The following AGRN variants were observed in gnomAD, a reference collection of about 807,000 sequenced individuals.
AGRN encodes agrin.
Under a neutral mutation model 211.0 loss-of-function variants are expected in AGRN, and 106 were observed. The observed-to-expected ratio is 0.50, with a 90% CI of 0.43 to 0.59. The LOEUF is 0.59. Among genes scored for constraint, AGRN ranks in the 20% least tolerant of loss-of-function variants. The pLI is 0.00. For synonymous variants in AGRN, 1,525 were observed against 1,332.5 expected (o/e 1.14, Z -3.15); for missense variants, 3,040 against 2,982.6 (o/e 1.02, Z -0.45).
intron 2 of AGRN, among the ~76,000 whole-genome samples, chr1:1,029,351 G>T (rs1317847138): frequency 3.3e-5 from 5 of 151,644 alleles, no homozygotes; most frequent in African/African-American, 1.2e-4. Flanking sequence ...ACAAAGATAT[G>T]GGGGATGCCC....
chr1:1,035,512 C>G (rs969419397), intron 3 of AGRN, among the ~76,000 whole-genome samples, 188 bp downstream of exon 3: 1 of 152,210 alleles, frequency 6.6e-6, no homozygotes, highest in East Asian at 1.9e-4. Flanking sequence ...GTCTAGAGGC[C>G]GCCGCCTGAC....
chr1:1,046,708 C>T lies in AGRN; in HGVS notation c.3223C>T (p.Gln1075Ter). 1 of 1,581,644 alleles carries T rather than the reference C, an allele frequency of 6.3e-7. No individual in the cohort carries two copies. Among genetic ancestry groups the T allele is most frequent in the Non-Finnish European group, 8.6e-7 (1 of 1,169,302 alleles). Reference sequence around the variant, plus strand: ...CAGCGATGAGGAACTGAGCGGGGACCAGGAGGCCAGTGGGGGTGGCTCTGG... The same window carrying T: ...CAGCGATGAGGAACTGAGCGGGGACTAGGAGGCCAGTGGGGGTGGCTCTGG... ...GSSDEELSGD[Q>*]EASGGGSGGL... is the part of the protein sequence containing the mutation. The change falls in exon 18 of 36, where the codon CAG becomes TAG. Residue 1075 changes from glutamine (Q) to a stop codon, truncating the protein, a stop_gained. Coordinates refer to ENST00000379370, the MANE Select transcript of AGRN (RefSeq NM_198576.4). LOFTEE classifies it high-confidence loss of function.
chr1:1,042,307 T>A, intron 7 of AGRN, 145 bp downstream of exon 7: 1 of 1,097,378 alleles, frequency 9.1e-7, no homozygotes, highest in Non-Finnish European at 1.3e-6. Context: ...CTGGGGAGGG[T>A]GGAGCCTGTG....
intron 2 of AGRN, chr1:1,034,747 CCCGAGG>C (rs1557693664): frequency 9.9e-7 from 1 of 1,008,426 alleles, no homozygotes. Context: ...AAGCCCCAAC[CCCGAGG>C]CCCCTGCACA....
In AGRN at chr1:1,050,129, G is replaced by A. The variant is rs111638438; in HGVS notation, c.4879+92G>A. 3.1e-3 allele frequency: 4,860 copies of A among 1,585,848 alleles called. 66 individuals are homozygous for A. The highest frequency in any genetic ancestry group is 0.028 in the African/African-American group (2,116 of 74,274). On this transcript the variant is annotated intron_variant, in intron 27 of 35. Coordinates refer to ENST00000379370, the MANE Select transcript of AGRN (RefSeq NM_198576.4). ...CCAGGTAGCATTGCAGTTAGGATGC[G>A]GCTCAGTCTAGTCTGGGTTTTGAGT...
intron 3 of AGRN, among the ~76,000 whole-genome samples, chr1:1,035,928 T>C (rs1644794425): frequency 6.6e-6 from 1 of 152,004 alleles, no homozygotes; most frequent in Non-Finnish European, 1.5e-5. Flanking sequence ...TCCTGGTGTT[T>C]GGGCCACTGT....
At position 1,051,526 on chromosome 1, in the gene AGRN, G is replaced by A. The variant is rs1270329202; in HGVS notation, c.5444G>A (p.Gly1815Asp). The part of the protein sequence containing the change: ...LRQVDVTSFA[G>D]HPCTRASGHP... ...CAGGTGGACGTCACGTCCTTTGCAG[G>A]TCACCCCTGCACCCGGGCCTCAGGC... The change falls in exon 32 of 36, where the codon GGT (glycine) becomes GAT (aspartate). Residue 1815 changes from glycine to aspartate, a missense_variant. By Grantham distance (94) the Gly-to-Asp change is moderately conservative. This residue lies in a region of AGRN where 1,537 missense variants were observed against 1,505.0 expected (regional missense o/e 1.02). Coordinates refer to ENST00000379370, the MANE Select transcript of AGRN (RefSeq NM_198576.4). 6.4e-7 allele frequency: 1 copy of A among 1,567,660 alleles called. No homozygotes were observed. The highest frequency in any genetic ancestry group is 8.6e-7 in the Non-Finnish European group (1 of 1,157,686).
rs368839983 is a variant in AGRN, at chr1:1,045,886, G to A, written c.2680+10G>A. 1.4e-5 allele frequency: 23 copies of A among 1,610,432 alleles called. No individual in the cohort carries two copies. The African/African-American group carries it at 2.9e-4, about 21-fold the overall frequency. On this transcript the variant is annotated intron_variant, in intron 15 of 35. Coordinates refer to ENST00000379370, the MANE Select transcript of AGRN (RefSeq NM_198576.4). ...GCGGGCTGTGAAGCTGGTGAGTGAG[G>A]GCCAGCGCTACCCTGGGGCTTCATG...
At chr1:1,035,217 G>A in intron 2 of AGRN, 60 bp from the exon 3 acceptor site, 1 of 1,592,752 alleles carries the variant, frequency 6.3e-7, no homozygotes, top group Non-Finnish European at 8.6e-7. Context: ...CTGGGCAAAG[G>A]GATGGGACAG....
intron 33 of AGRN, chr1:1,052,500 T>G: frequency 4.0e-6 from 1 of 247,552 alleles, no homozygotes. Context: ...GAGGGAGACA[T>G]GCAGGTATGT....
rs376537367 is a variant in AGRN at position 1,022,264 on chromosome 1, G to A, written c.265G>A (p.Gly89Ser). 7 of 1,613,096 alleles carry A rather than the reference G, an allele frequency of 4.3e-6. No homozygotes were observed. Among genetic ancestry groups the A allele is most frequent in the African/African-American group, 4.0e-5 (3 of 74,928 alleles). Residue 89 changes from glycine to serine, a missense_variant, in exon 2 of 36, where the codon GGC becomes AGC. Physicochemically the swap from Gly to Ser is moderately conservative, Grantham distance 56. Transcript: ENST00000379370. Reference protein sequence around the residue: ...LVARESLLDGGNKVVISGFGD... With the variant: ...LVARESLLDGSNKVVISGFGD... Reference sequence around the variant, plus strand: ...GGCCCGGGAGAGCCTGCTGGACGGCGGCAACAAGGTGGTGATCAGCGGCTT... The same window carrying A: ...GGCCCGGGAGAGCCTGCTGGACGGCAGCAACAAGGTGGTGATCAGCGGCTT...
rs1211391381 is a variant in AGRN at position 1,032,239 on chromosome 1, T to C, written c.464-3038T>C. 6.6e-6 allele frequency among the ~76,000 whole-genome samples: 1 copy of C among 152,118 alleles called. No homozygotes were observed. The highest frequency in any genetic ancestry group is 1.5e-5 in the Non-Finnish European group (1 of 68,024). ...GTTTGGATTTTCCTGCAGGGTTTCATTGGAACACCAGGTTCCAGGGCCGTA... is the reference window on the plus strand; with the variant it reads ...GTTTGGATTTTCCTGCAGGGTTTCACTGGAACACCAGGTTCCAGGGCCGTA... On this transcript the variant is annotated intron_variant, in intron 2 of 35. Coordinates refer to ENST00000379370, the MANE Select transcript of AGRN (RefSeq NM_198576.4). This position sits in a 1 kb window ranked among gnomAD's most constrained non-coding sequence, Gnocchi z 4.7.
chr1:1,046,842 C>T lies in AGRN; in HGVS notation c.3273C>T (p.Ser1091=). ...GSGGLEPLEG[S]SVATPGPPVE... ...CAGGGCTCGAGCCCTTGGAGGGCAGCAGCGTGGCCACCCCTGGGCCACCTG... is the reference window on the plus strand; with the variant it reads ...CAGGGCTCGAGCCCTTGGAGGGCAGTAGCGTGGCCACCCCTGGGCCACCTG... The change falls in exon 19 of 36, where the codon AGC becomes AGT. Residue 1091 remains serine (S), a synonymous_variant. Transcript: ENST00000379370. 1 of 1,585,846 alleles carries T rather than the reference C, an allele frequency of 6.3e-7. No individual in the cohort carries two copies. Among genetic ancestry groups the T allele is most frequent in the Non-Finnish European group, 8.6e-7 (1 of 1,168,832 alleles).
chr1:1,022,494 T>TG, intron 2 of AGRN, 32 bp downstream of exon 2: 1 of 1,556,478 alleles, frequency 6.4e-7, no homozygotes, highest in Non-Finnish European at 8.8e-7. Flanking sequence ...TGGGGGCCTG[T>TG]GGGGGTCAGG....
chr1:1,020,496 C>T, intron 1 of AGRN, 123 bp downstream of exon 1: 1 of 973,056 alleles, frequency 1.0e-6, no homozygotes, highest in Non-Finnish European at 1.4e-6. Flanking sequence ...CCTTGGCGAC[C>T]GCCAAGCCCC....
rs982360687 is a variant in AGRN, at chr1:1,023,901, G to A, written c.463+1439G>A. ...TGGCTTAGCCCAGCTGTGGGCAGTCGCACTCAGGGACGAGCTCCAGGTGGG... is the reference window on the plus strand; with the variant it reads ...TGGCTTAGCCCAGCTGTGGGCAGTCACACTCAGGGACGAGCTCCAGGTGGG... On this transcript the variant is annotated intron_variant, in intron 2 of 35. Coordinates refer to ENST00000379370, the MANE Select transcript of AGRN (RefSeq NM_198576.4). 7.2e-5 allele frequency among the ~76,000 whole-genome samples: 11 copies of A among 152,292 alleles called. No individual in the cohort carries two copies. The South Asian group carries it at 1.7e-3, about 23-fold the overall frequency.
Position 1,049,755 on chromosome 1 carries a change from G to T in AGRN, c.4704G>T (p.Glu1568Asp), listed in dbSNP as rs2100678649. The T allele has an allele frequency of 1.9e-6, 3 of 1,582,200 alleles. No homozygotes were observed. In the East Asian group the frequency reaches 6.9e-5, roughly 37 times the overall value. ...GCGGGGCCCCATGCCAGAACCTGGA[G>T]GCTGGAAGGTTCCATTGCCAGTGCC... ...CHGGAPCQNLEAGRFHCQCPP... is the reference protein window; with the variant it reads ...CHGGAPCQNLDAGRFHCQCPP... Residue 1568 changes from glutamate to aspartate, a missense_variant, in exon 26 of 36, where the codon GAG becomes GAT. Coordinates refer to ENST00000379370, the MANE Select transcript of AGRN (RefSeq NM_198576.4).
At chr1:1,038,977 G>A (rs1386470973) in intron 3 of AGRN, among the ~76,000 whole-genome samples, 1 of 152,174 alleles carries the variant, frequency 6.6e-6, no homozygotes, top group Non-Finnish European at 1.5e-5. Context: ...TACTTACAGT[G>A]GCAGCAGACG....
intron 2 of AGRN, chr1:1,034,872 A>G (rs1644763504): frequency 5.6e-6 from 2 of 359,470 alleles, no homozygotes; most frequent in Non-Finnish European, 9.2e-6. Flanking sequence ...TTGGGCTCTC[A>G]GTGGGCCTGG....
Sources: allele counts gnomAD v4.1 joint callset (sites outside exome capture counted in the v4.1 genomes callset), GRCh38; gene constraint gnomAD v4.1.1; regional missense constraint gnomAD v4.1.1; non-coding constraint Gnocchi (gnomAD v3.1); transcripts MANE v1.5; gene names NCBI Gene and HGNC (gene_info 2026-07-23, HGNC 2026-07-21).